Variants in ERBB2 observed in about 807,000 individuals in gnomAD.
ERBB2 encodes the protein erb-b2 receptor tyrosine kinase 2.
ERBB2 carries 61 observed loss-of-function variants against 149.0 expected under a neutral mutation model. The ratio of observed to expected loss-of-function variants is 0.41; its 90% CI spans 0.33 to 0.51. The LOEUF (loss-of-function observed/expected upper bound fraction) is 0.51, where lower values mean the gene tolerates loss of function less well. ERBB2 is among the 20% of genes least tolerant of loss of function. The pLI, the probability that ERBB2 is intolerant of heterozygous loss-of-function variation, is 0.25. For missense variants in ERBB2, 1,205 were observed against 1,655.1 expected, an observed-to-expected ratio of 0.73 and a Z score of 4.72; for synonymous variants, 633 against 678.8, an observed-to-expected ratio of 0.93 and a Z score of 1.05.
rs1237088846 is a variant in ERBB2 at position 39,717,347 on chromosome 17, C to T, written c.1765C>T (p.His589Tyr). Residue 589 changes from histidine (H) to tyrosine (Y), a missense_variant, in exon 15 of 27, where the codon CAC becomes TAC. Coordinates refer to ENST00000269571, the MANE Select transcript of ERBB2 (RefSeq NM_004448.4). ...GGCTGACCAGTGTGTGGCCTGTGCCCACTATAAGGACCCTCCCTTCTGCGT... is the reference window on the plus strand; with the variant it reads ...GGCTGACCAGTGTGTGGCCTGTGCCTACTATAAGGACCCTCCCTTCTGCGT... ...PEADQCVACA[H>Y]YKDPPFCVAR... 6.2e-7 allele frequency: 1 copy of T among 1,612,412 alleles called. No individual in the cohort carries two copies. The highest frequency in any genetic ancestry group is 8.5e-7 in the Non-Finnish European group (1 of 1,179,920).
chr17:39,693,040 C>A (rs902123126), upstream of ERBB2, among the ~76,000 whole-genome samples: 12 of 152,062 alleles, frequency 7.9e-5, no homozygotes, highest in African/African-American at 2.9e-4. Context: ...CCAGCCTGGG[C>A]AACAGAGCAA....
chr17:39,709,858 A>G lies in ERBB2; in HGVS notation c.620A>G (p.Glu207Gly), dbSNP rs2145491935. ...TGTAAGGGCTCCCGCTGCTGGGGAG[A>G]GAGTTCTGAGGATTGTCAGAGCCGT... is the stretch of plus-strand genomic sequence containing the variant. Reference protein sequence around the residue: ...PMCKGSRCWGESSEDCQSLTR... With the variant: ...PMCKGSRCWGGSSEDCQSLTR... Residue 207 changes from glutamate to glycine, a missense_variant, in exon 5 of 27, where the codon GAG becomes GGG. By Grantham distance (98) the Glu-to-Gly change is moderately conservative. This residue lies in a region of ERBB2 where 569 missense variants were observed against 803.5 expected (regional missense o/e 0.71). Transcript: ENST00000269571. 6.2e-7 allele frequency: 1 copy of G among 1,613,234 alleles called. No individual in the cohort carries two copies. Among genetic ancestry groups the G allele is most frequent in the Non-Finnish European group, 8.5e-7 (1 of 1,179,962 alleles).
Position 39,726,070 on chromosome 17 carries a change from A to C in ERBB2, c.2872+217A>C. ...AAAATTAAGCTGGGCACAGTGGCTC[A>C]TGCCTGTAATCCCAGTACTTTTGGA... is the stretch of plus-strand genomic sequence containing the variant. On this transcript the variant is annotated intron_variant, in intron 23 of 26. Coordinates refer to ENST00000269571, the MANE Select transcript of ERBB2 (RefSeq NM_004448.4). This position sits in a 1 kb window ranked among gnomAD's most constrained non-coding sequence, Gnocchi z 5.1. 1.8e-6 allele frequency: 1 copy of C among 540,826 alleles called. No homozygotes were observed. Among genetic ancestry groups the C allele is most frequent in the Non-Finnish European group, 3.2e-6 (1 of 310,038 alleles). The allele number at this position is 540,826 out of a possible 1,614,324, so 33.5% of individuals were successfully genotyped here. A position where few individuals can be genotyped will look rare whatever the true frequency, so the allele number is the denominator to read the frequency against.
chr17:39,704,351 G>A (rs749669950), intron 1 of ERBB2, among the ~76,000 whole-genome samples: 26 of 152,234 alleles, frequency 1.7e-4, no homozygotes, highest in Non-Finnish European at 2.8e-4. Flanking sequence ...CGAGACGGGC[G>A]GATCACAAGG....
At chr17:39,717,734 T>C (rs1337108896) in intron 15 of ERBB2, 7 of 338,914 alleles carry the variant, frequency 2.1e-5, no homozygotes, top group Non-Finnish European at 5.4e-6. Context: ...AATATGTATA[T>C]ATAAGTTAAC....
upstream of ERBB2, among the ~76,000 whole-genome samples, chr17:39,698,260 A>ATT (rs200013520): frequency 4.3e-5 from 6 of 140,276 alleles, no homozygotes; most frequent in African/African-American, 7.9e-5. Flanking sequence ...TAGAGTCAAG[A>ATT]TTTTTTTTTT....
rs530452772 is a variant in ERBB2 at position 39,705,483 on chromosome 17, G to A, written c.74-1507G>A. Among the ~76,000 whole-genome samples, 267 of 152,316 alleles carry A rather than the reference G, an allele frequency of 1.8e-3. 1 individual carries two copies. Among genetic ancestry groups the A allele is most frequent in the African/African-American group, 6.1e-3 (255 of 41,554 alleles). On this transcript the variant is annotated intron_variant, in intron 1 of 26. Coordinates refer to ENST00000269571, the MANE Select transcript of ERBB2 (RefSeq NM_004448.4). ...GAGGAAGTGTGGGGAAGAGGAGGGG[G>A]TGCAAGTGGGTGAGGCATGGAGTGG... is the stretch of plus-strand genomic sequence containing the variant.
In ERBB2 at chr17:39,725,654, G is replaced by A. The variant is rs535791283; in HGVS notation, c.2726-53G>A. 2 of 1,561,160 alleles carry A rather than the reference G, an allele frequency of 1.3e-6. No individual in the cohort carries two copies. Among genetic ancestry groups the A allele is most frequent in the South Asian group, 1.2e-5 (1 of 84,206 alleles). ...ACTCCTGAGCAGAACCTCTGGCTCA[G>A]TACACTAAAGCTCCCTCTGGCCCTC... On this transcript the variant is annotated intron_variant, in intron 22 of 26. Coordinates refer to ENST00000269571, the MANE Select transcript of ERBB2 (RefSeq NM_004448.4). The surrounding 1 kb of genome is among the most constrained non-coding windows in gnomAD (Gnocchi z 4.6).
At position 39,709,447 on chromosome 17, in the gene ERBB2, G is replaced by A. The variant is rs531563820; in HGVS notation, c.569G>A (p.Arg190Gln). ...ALTLIDTNRS[R>Q]ACHPCSPMCK... ...ACACTGATAGACACCAACCGCTCTC[G>A]GGCCTGTAAGCCATGCCCCTCCCTG... is the stretch of plus-strand genomic sequence containing the variant. Residue 190 changes from arginine to glutamine, a missense_variant, in exon 4 of 27, where the codon CGG (arginine) becomes CAG (glutamine). Coordinates refer to ENST00000269571, the MANE Select transcript of ERBB2 (RefSeq NM_004448.4). 2.6e-5 allele frequency: 42 copies of A among 1,613,952 alleles called. No homozygotes were observed. Among genetic ancestry groups the A allele is most frequent in the Non-Finnish European group, 3.3e-5 (39 of 1,179,978 alleles).
Position 39,725,032 on chromosome 17 carries a change from G to A in ERBB2, c.2494-17G>A, listed in dbSNP as rs1242174793. ...CAGGCCCTCCCAGAAGGTCTACATG[G>A]GTGCTTCCCATTCCAGGGGATGAGC... is the stretch of plus-strand genomic sequence containing the variant. On this transcript the variant is annotated splice_polypyrimidine_tract_variant and intron_variant, in intron 20 of 26. Transcript: ENST00000269571. The surrounding 1 kb of genome is among the most constrained non-coding windows in gnomAD (Gnocchi z 4.6). 2 of 1,614,084 alleles carry A rather than the reference G, an allele frequency of 1.2e-6. No individual in the cohort carries two copies. Among genetic ancestry groups the A allele is most frequent in the African/African-American group, 2.7e-5 (2 of 75,034 alleles).
rs759579850 is a variant in ERBB2 at position 39,716,337 on chromosome 17, G to C, written c.1550G>C (p.Arg517Pro). 7 of 1,605,920 alleles carry C rather than the reference G, an allele frequency of 4.4e-6. No homozygotes were observed. In the African/African-American group the frequency reaches 9.4e-5, roughly 22 times the overall value. The change falls in exon 13 of 27, where the codon CGA (arginine) becomes CCA (proline). Residue 517 changes from arginine to proline, a missense_variant. Physicochemically the swap from Arg to Pro is moderately radical, Grantham distance 103. Coordinates refer to ENST00000269571, the MANE Select transcript of ERBB2 (RefSeq NM_004448.4). ...CTGGCCTGCCACCAGCTGTGCGCCC[G>C]AGGGCACTGCTGGGGTCCAGGGCCC... Reference protein sequence around the residue: ...EGLACHQLCARGHCWGPGPTQ... With the variant: ...EGLACHQLCAPGHCWGPGPTQ...
At chr17:39,694,253 ATATATATATATATATG>A (rs1420978678), upstream of ERBB2, among the ~76,000 whole-genome samples, 824 of 28,192 alleles carry the variant, frequency 0.029, 47 homozygotes, top group African/African-American at 0.063. Context: ...ATATATATAT[ATATATATATATATATG>A]TGTGTATATA....
At chr17:39,691,340 G>A (rs138873596), upstream of ERBB2, among the ~76,000 whole-genome samples, 445 of 151,840 alleles carry the variant, frequency 2.9e-3, 2 homozygotes, top group African/African-American at 9.9e-3. Context: ...TCAGGAGATC[G>A]AGACCATCCT....
At position 39,709,777 on chromosome 17, in the gene ERBB2, ATC is replaced by A. The variant is rs1567899643; in HGVS notation, c.575-29_575-28del. 1.9e-6 allele frequency: 3 copies of A among 1,589,502 alleles called. No individual in the cohort carries two copies. The South Asian group carries it at 3.3e-5, about 18-fold the overall frequency. On this transcript the variant is annotated intron_variant, in intron 4 of 26. Transcript: ENST00000269571. The stretch of plus-strand genomic sequence containing the variant: ...CTAACCCGTCCTCTCGCTGTTAGAC[ATC>A]TCTCTCACTGCCTGTCTCTGGTTCT...
upstream of ERBB2, chr17:39,699,400 G>C: frequency 1.7e-6 from 1 of 601,746 alleles, no homozygotes; most frequent in Non-Finnish European, 2.9e-6. Context: ...GGCAGAGGTT[G>C]TGGTGAGCAG....
rs2059765109 is a variant in ERBB2 at position 39,726,434 on chromosome 17, C to T, written c.2873-128C>T. On this transcript the variant is annotated intron_variant, in intron 23 of 26. Transcript: ENST00000269571. The surrounding 1 kb of genome is among the most constrained non-coding windows in gnomAD (Gnocchi z 5.1). ...AAGACCCCAGAGTCTGGTGCTACTTCTCTACCACCTGAGGGCTTTGGGCTG... is the reference window on the plus strand; with the variant it reads ...AAGACCCCAGAGTCTGGTGCTACTTTTCTACCACCTGAGGGCTTTGGGCTG... 2 of 719,806 alleles carry T rather than the reference C, an allele frequency of 2.8e-6. No individual in the cohort carries two copies. The highest frequency in any genetic ancestry group is 2.1e-5 in the Admixed American group (1 of 48,056). 44.6% of individuals were successfully genotyped at this position (719,806 alleles called of 1,614,324 possible). A position where few individuals can be genotyped will look rare whatever the true frequency, so the allele number is the denominator to read the frequency against.
At chr17:39,714,927 A>G (rs1458768087) in intron 9 of ERBB2, among the ~76,000 whole-genome samples, 3 of 151,102 alleles carry the variant, frequency 2.0e-5, no homozygotes, top group Non-Finnish European at 4.4e-5. Flanking sequence ...GCGGCACCAC[A>G]CCCAGCTAAT....
chr17:39,694,690 C>T (rs1423040179), upstream of ERBB2: 1 of 152,182 alleles, frequency 6.6e-6, no homozygotes, highest in African/African-American at 2.4e-5. Flanking sequence ...GGTTCCTCGT[C>T]TCCTCTTCCT....
Position 39,717,680 on chromosome 17 carries a change from T to C in ERBB2, c.1898+200T>C, listed in dbSNP as rs141904765. 6 of 478,518 alleles carry C rather than the reference T, an allele frequency of 1.3e-5. No homozygotes were observed. In the East Asian group the frequency reaches 2.0e-4, roughly 16 times the overall value. The allele number at this position is 478,518 out of a possible 1,614,324, so 29.6% of individuals were successfully genotyped here. On this transcript the variant is annotated intron_variant, in intron 15 of 26. Transcript: ENST00000269571. ...GCAGTTCTATCCCCACTGTTAATAA[T>C]TTGAAATATTTTTCCTCTAGTTATT...
Sources: gnomAD v4.1 joint callset for allele counts (sites outside exome capture counted in the v4.1 genomes callset) on GRCh38, gnomAD v4.1.1 for gene constraint, gnomAD v4.1.1 regional missense constraint, Gnocchi (gnomAD v3.1) non-coding constraint, MANE v1.5 for transcripts, NCBI Gene and HGNC (gene_info 2026-07-23, HGNC 2026-07-21) for gene names.